Variants in RNF212B observed in about 807,000 individuals in gnomAD.
The protein encoded by RNF212B is E3 ubiquitin-protein ligase RNF212B.
Under a neutral mutation model 55.5 loss-of-function variants are expected in RNF212B, and 52 were observed. That is an observed-to-expected ratio of 0.94 (90% CI 0.75 to 1.18). The LOEUF (loss-of-function observed/expected upper bound fraction) is 1.18, where lower values mean the gene tolerates loss of function less well. Ranked by LOEUF, RNF212B falls within the 50% of genes most tolerant of loss-of-function variation. The pLI is 0.00. For synonymous variants in RNF212B, 99 were observed against 121.4 expected, an observed-to-expected ratio of 0.82 and a Z score of 1.21; for missense variants, 289 against 350.4, an observed-to-expected ratio of 0.82 and a Z score of 1.40.
chr14:23,248,368 G>A (rs144656288), intron 4 of RNF212B, among the ~76,000 whole-genome samples: 35 of 148,944 alleles, frequency 2.3e-4, no homozygotes, highest in African/African-American at 8.2e-4. Context: ...CTGGGCTCAC[G>A]CAATCTGCCC....
intron 1 of RNF212B, among the ~76,000 whole-genome samples, chr14:23,239,116 T>C (rs1594918934): frequency 6.6e-6 from 1 of 152,130 alleles, no homozygotes; most frequent in South Asian, 2.1e-4. Context: ...CAGGCTGGAG[T>C]GCAGTGGCAC....
intron 2 of RNF212B, among the ~76,000 whole-genome samples, chr14:23,229,261 T>TACACAC (rs1555314105): frequency 7.9e-6 from 1 of 127,182 alleles, no homozygotes; most frequent in Non-Finnish European, 1.7e-5. Context: ...TATATATATA[T>TACACAC]ACCACATTGT....
rs776673043 is a variant in RNF212B at position 23,228,462 on chromosome 14, CAAAAAAAAAAAAA to C, written c.-1-11870_-1-11858del. Among the ~76,000 whole-genome samples, 398 of 76,110 alleles carry C rather than the reference CAAAAAAAAAAAAA, an allele frequency of 5.2e-3. 3 individuals are homozygous for C. The highest frequency in any genetic ancestry group is 0.02 in the African/African-American group (374 of 18,384). 49.9% of individuals were successfully genotyped at this position (76,110 alleles called of 152,430 possible). ...CCACATAGTAAAACCCTATCTCTAC[CAAAAAAAAAAAAA>C]AAAAAAAAAAAATTAACAGGTGTGG... On this transcript the variant is annotated intron_variant, in intron 2 of 15. Transcript: ENST00000399910.
rs575482715 is a variant in RNF212B, at chr14:23,209,086, G to T, written c.-2+15685G>T. Among the ~76,000 whole-genome samples, 31 of 152,264 alleles carry T rather than the reference G, an allele frequency of 2.0e-4. 1 individual carries two copies. Among genetic ancestry groups the T allele is most frequent in the African/African-American group, 6.3e-4 (26 of 41,564 alleles). ...TTGCCCATGTTTATGGTTATGTATT[G>T]ATGATATGCTAAACAAGGGGTGGAT... On this transcript the variant is annotated intron_variant, in intron 2 of 15. Coordinates refer to the RNF212B transcript ENST00000399910.
chr14:23,189,239 C>A (rs149344086), intron 1 of RNF212B, among the ~76,000 whole-genome samples: 4 of 152,282 alleles, frequency 2.6e-5, no homozygotes, highest in African/African-American at 9.6e-5. Context: ...TGGGAATAGG[C>A]AGAAGAGAAC....
intron 4 of RNF212B, among the ~76,000 whole-genome samples, chr14:23,248,424 G>C (rs985419906): frequency 7.0e-6 from 1 of 142,752 alleles, no homozygotes; most frequent in Admixed American, 7.0e-5. Context: ...GAGCCACCAC[G>C]CCCAACCCCA....
chr14:23,252,988 T>A (rs7160550), intron 4 of RNF212B, among the ~76,000 whole-genome samples: 26,464 of 152,012 alleles, frequency 0.17, 3,433 homozygotes, highest in African/African-American at 0.37. Context: ...TTAAACCCTA[T>A]GAGGACGGTT....
chr14:23,200,150 G>A (rs1879148054), intron 2 of RNF212B, among the ~76,000 whole-genome samples: 1 of 151,616 alleles, frequency 6.6e-6, no homozygotes, highest in Non-Finnish European at 1.5e-5. Context: ...TGCTTATTAT[G>A]CTTGGCCAAA....
intron 2 of RNF212B, among the ~76,000 whole-genome samples, chr14:23,217,230 C>T (rs915727010): frequency 4.2e-4 from 45 of 107,728 alleles, no homozygotes; most frequent in African/African-American, 1.5e-3. Flanking sequence ...CCACCATAGA[C>T]CAGTGGTGGC....
chr14:23,226,826 T>TC (rs1555313758), intron 2 of RNF212B, among the ~76,000 whole-genome samples: 2 of 145,192 alleles, frequency 1.4e-5, no homozygotes, highest in African/African-American at 2.6e-5. Flanking sequence ...TTTTTTTTTT[T>TC]AATAGAGAGG....
chr14:23,226,191 G>A (rs890024468), intron 2 of RNF212B, among the ~76,000 whole-genome samples: 2 of 150,842 alleles, frequency 1.3e-5, no homozygotes, highest in Non-Finnish European at 3.0e-5. Flanking sequence ...CCAGTTACTC[G>A]GGAGGCTGAG....
At chr14:23,230,116 T>C (rs915501415) in intron 2 of RNF212B, 1 of 180,580 alleles carries the variant, frequency 5.5e-6, no homozygotes, top group African/African-American at 2.4e-5. Context: ...TGAGAAGACA[T>C]GATGAGAAGC....
chr14:23,238,832 T>C (rs1012521110), intron 1 of RNF212B, among the ~76,000 whole-genome samples: 1 of 151,486 alleles, frequency 6.6e-6, no homozygotes, highest in Admixed American at 6.6e-5. Context: ...TTTAACAAAG[T>C]ATATGAAATT....
intron 9 of RNF212B, among the ~76,000 whole-genome samples, chr14:23,263,729 A>G (rs142653077): frequency 1.2e-3 from 184 of 152,250 alleles, no homozygotes; most frequent in African/African-American, 4.1e-3. Context: ...GAGACTTTCT[A>G]TTAGTGACAT....
At chr14:23,219,770 C>A (rs1036148798) in intron 2 of RNF212B, among the ~76,000 whole-genome samples, 4 of 152,064 alleles carry the variant, frequency 2.6e-5, no homozygotes, top group South Asian at 4.1e-4. Flanking sequence ...CCACTCCCAG[C>A]CTTTATTAGT....
At chr14:23,252,010 T>C (rs1397269042) in intron 4 of RNF212B, among the ~76,000 whole-genome samples, 1 of 151,730 alleles carries the variant, frequency 6.6e-6, no homozygotes, top group East Asian at 1.9e-4. Context: ...TTCCATTACA[T>C]AGGCATGATT....
At chr14:23,227,632 C>T (rs1039698757) in intron 2 of RNF212B, among the ~76,000 whole-genome samples, 1 of 152,030 alleles carries the variant, frequency 6.6e-6, no homozygotes, top group Non-Finnish European at 1.5e-5. Flanking sequence ...GACTAGTTCT[C>T]GCCCTGTCAC....
chr14:23,222,100 A>G (rs1881623144), intron 2 of RNF212B, among the ~76,000 whole-genome samples: 1 of 152,134 alleles, frequency 6.6e-6, no homozygotes, highest in African/African-American at 2.4e-5. Flanking sequence ...AGAGCAAACC[A>G]AACCCAAAAT....
At chr14:23,269,006 C>T (rs1245990852) in intron 12 of RNF212B, 43 bp downstream of exon 12, 9 of 1,499,284 alleles carry the variant, frequency 6.0e-6, no homozygotes, top group South Asian at 1.2e-5. Context: ...TGTGTTCATA[C>T]TTAAACTCTG....
Sources: allele counts gnomAD v4.1 joint callset (sites outside exome capture counted in the v4.1 genomes callset), GRCh38; gene constraint gnomAD v4.1.1; transcripts MANE v1.5; gene names NCBI Gene and HGNC (gene_info 2026-07-23, HGNC 2026-07-21).